Variants in KLF15 observed in about 807,000 individuals in gnomAD.
The protein encoded by KLF15 is Krueppel-like factor 15.
KLF15 carries 4 observed loss-of-function variants against 24.6 expected under a neutral mutation model. The observed-to-expected ratio is 0.16, with a 90% CI of 0.08 to 0.37. The LOEUF (loss-of-function observed/expected upper bound fraction) is 0.37. KLF15 is among the 10% of genes least tolerant of loss of function. The probability of loss-of-function intolerance (pLI) is 1.00; values close to 1 mark genes in which losing one functional copy is unlikely to be tolerated. For missense variants in KLF15, 496 were observed against 560.6 expected, an observed-to-expected ratio of 0.88 and a Z score of 1.16; for synonymous variants, 246 against 236.3, an observed-to-expected ratio of 1.04 and a Z score of -0.37.
chr3:126,351,996 G>A lies in KLF15; in HGVS notation c.927C>T (p.Phe309=), dbSNP rs1171034891. ...GPAGLLMGQK[F]PKNPAAELIK... ...TGAGTTCTGCGGCTGGGTTCTTGGG[G>A]AACTTCTGGCCCATGAGGAGACCGG... Residue 309 remains phenylalanine (F), a synonymous_variant, in exon 2 of 3, where the codon TTC becomes TTT. Transcript: ENST00000296233. 1 of 1,577,478 alleles carries A rather than the reference G, an allele frequency of 6.3e-7. No individual in the cohort carries two copies. The highest frequency in any genetic ancestry group is 8.6e-7 in the Non-Finnish European group (1 of 1,161,738).
At chr3:126,338,458 C>A (rs544545536), downstream of KLF15, among the ~76,000 whole-genome samples, 1 of 152,348 alleles carries the variant, frequency 6.6e-6, no homozygotes, top group Non-Finnish European at 1.5e-5. Flanking sequence ...TGTTCAACAA[C>A]TCACCAATTA....
chr3:126,352,609 C>G lies in KLF15; in HGVS notation c.314G>C (p.Trp105Ser). 1 of 1,609,408 alleles carries G rather than the reference C, an allele frequency of 6.2e-7. No homozygotes were observed. The highest frequency in any genetic ancestry group is 8.5e-7 in the Non-Finnish European group (1 of 1,178,568). Residue 105 changes from tryptophan (W) to serine (S), a missense_variant, in exon 2 of 3, where the codon TGG becomes TCG. This residue lies in a region of KLF15 where 399 missense variants were observed against 423.1 expected (regional missense o/e 0.94). Transcript: ENST00000296233. ...GGCCGCTGCCCTTCGCCAGGGCCCC[C>G]AGGCCACGGGGCCACTGCTGGCCCC... ...SIGASSGPVA[W>S]GPWRRAAAPV...
chr3:126,328,346 G>C, the KLF15 span, among the ~76,000 whole-genome samples: 2 of 152,020 alleles, frequency 1.3e-5, no homozygotes, highest in African/African-American at 4.8e-5. Flanking sequence ...TGGGCTTTTG[G>C]GTTGGTTCTA....
the KLF15 span, among the ~76,000 whole-genome samples, chr3:126,329,597 G>C: frequency 2.1e-3 from 326 of 152,054 alleles, 1 homozygote; most frequent in South Asian, 3.3e-3. Flanking sequence ...CACCATTGTC[G>C]TGTCATATTG....
the KLF15 span, among the ~76,000 whole-genome samples, chr3:126,326,836 A>G: frequency 5.3e-5 from 8 of 152,312 alleles, no homozygotes; most frequent in African/African-American, 1.9e-4. Flanking sequence ...AATAATTTTA[A>G]TTAAGTCGAT....
the KLF15 span, among the ~76,000 whole-genome samples, chr3:126,293,718 C>T: frequency 2.8e-4 from 42 of 152,336 alleles, no homozygotes; most frequent in African/African-American, 9.6e-4. Context: ...CGGATCCTAG[C>T]AAGGGCCATG....
At chr3:126,297,170 A>T in the KLF15 span, among the ~76,000 whole-genome samples, 8 of 152,128 alleles carry the variant, frequency 5.3e-5, no homozygotes, top group Admixed American at 6.5e-5. Flanking sequence ...CTACAGTGTT[A>T]TACTTGCCCT....
the KLF15 span, among the ~76,000 whole-genome samples, chr3:126,320,344 C>A: frequency 0.15 from 23,280 of 152,126 alleles, 2,023 homozygotes; most frequent in Admixed American, 0.23. Flanking sequence ...CATGCCAGCC[C>A]AACAAAATGT....
At chr3:126,299,550 C>A in the KLF15 span, among the ~76,000 whole-genome samples, 1 of 151,726 alleles carries the variant, frequency 6.6e-6, no homozygotes, top group East Asian at 1.9e-4. Context: ...GAGATCGAGA[C>A]CATCCTGGCT....
chr3:126,310,521 G>A, the KLF15 span, among the ~76,000 whole-genome samples: 2 of 152,138 alleles, frequency 1.3e-5, no homozygotes, highest in South Asian at 4.1e-4. Context: ...GGCTACCATA[G>A]CAAAATCAGA....
chr3:126,340,913 G>A (rs987304826), downstream of KLF15, among the ~76,000 whole-genome samples: 4 of 152,192 alleles, frequency 2.6e-5, no homozygotes, highest in African/African-American at 9.7e-5. Flanking sequence ...GAACCTGGGG[G>A]TGCCACACAG....
At chr3:126,321,991 C>T in the KLF15 span, among the ~76,000 whole-genome samples, 1 of 152,146 alleles carries the variant, frequency 6.6e-6, no homozygotes, top group Admixed American at 6.5e-5. Context: ...CTGGCAGCTG[C>T]TTGGAGCTGT....
In KLF15 at chr3:126,343,439, CAGCAGA is replaced by C. The variant is rs2082498654; in HGVS notation, c.*282_*287del. Reference sequence around the variant, plus strand: ...AAACTCTGCCTGCAACCAGCGGCTGCAGCAGAGGCCTGGCCACCGCGGGAAGGCACG... The same window carrying C: ...AAACTCTGCCTGCAACCAGCGGCTGCGGCCTGGCCACCGCGGGAAGGCACG... On this transcript the variant is annotated 3_prime_UTR_variant, in exon 3 of 3. Coordinates refer to ENST00000296233, the MANE Select transcript of KLF15 (RefSeq NM_014079.4). 2.6e-6 allele frequency: 1 copy of C among 380,062 alleles called. No homozygotes were observed. Among genetic ancestry groups the C allele is most frequent in the Non-Finnish European group, 4.7e-6 (1 of 212,982 alleles). The allele number at this position is 380,062 out of a possible 1,614,324, so 23.5% of individuals were successfully genotyped here.
chr3:126,291,474 G>C, the KLF15 span, among the ~76,000 whole-genome samples: 4 of 152,300 alleles, frequency 2.6e-5, no homozygotes, highest in South Asian at 2.1e-4. Context: ...GAACTGGGAG[G>C]GCTGAAATTG....
the KLF15 span, among the ~76,000 whole-genome samples, chr3:126,326,999 A>G: frequency 3.9e-5 from 6 of 152,208 alleles, no homozygotes; most frequent in South Asian, 8.3e-4. Context: ...GCCAGGGTAC[A>G]TTCATCAAAA....
the KLF15 span, among the ~76,000 whole-genome samples, chr3:126,296,301 A>G: frequency 6.6e-6 from 1 of 152,124 alleles, no homozygotes; most frequent in Non-Finnish European, 1.5e-5. Flanking sequence ...TCCACCTCCC[A>G]GGTTCACGCC....
At chr3:126,291,877 C>A in the KLF15 span, among the ~76,000 whole-genome samples, 2 of 152,212 alleles carry the variant, frequency 1.3e-5, no homozygotes, top group African/African-American at 4.8e-5. Context: ...TGTTGTGATC[C>A]CTGCTCCTTG....
chr3:126,319,431 A>T, the KLF15 span, among the ~76,000 whole-genome samples: 1 of 152,334 alleles, frequency 6.6e-6, no homozygotes, highest in Admixed American at 6.5e-5. Context: ...GCTCCACATC[A>T]TTGCCAGCAT....
the KLF15 span, among the ~76,000 whole-genome samples, chr3:126,317,415 C>A: frequency 6.6e-6 from 1 of 152,114 alleles, no homozygotes; most frequent in Non-Finnish European, 1.5e-5. Flanking sequence ...ATAGAAAAAA[C>A]CTGAAACTGG....
Sources: gnomAD v4.1 joint callset for allele counts (sites outside exome capture counted in the v4.1 genomes callset) on GRCh38, gnomAD v4.1.1 for gene constraint, gnomAD v4.1.1 regional missense constraint, MANE v1.5 for transcripts, NCBI Gene and HGNC (gene_info 2026-07-23, HGNC 2026-07-21) for gene names.